TMEM223: variants seen among roughly 807,000 people sequenced by gnomAD.
TMEM223 encodes transmembrane protein 223.
In TMEM223, 14 loss-of-function variants were observed where a neutral mutation model predicts 14.1. The observed-to-expected ratio is 0.99, with a 90% confidence interval of 0.66 to 1.55. The LOEUF (loss-of-function observed/expected upper bound fraction) is 1.55. TMEM223 is among the 40% of genes most tolerant of loss of function. The probability of loss-of-function intolerance (pLI) is 0.00; values close to 1 mark genes in which losing one functional copy is unlikely to be tolerated. For synonymous variants in TMEM223, 145 were observed against 120.5 expected, an observed-to-expected ratio of 1.20 and a Z score of -1.33; for missense variants, 346 against 269.9, an observed-to-expected ratio of 1.28 and a Z score of -1.97.
intron 1 of TMEM223, chr11:62,776,392 T>G: frequency 6.2e-7 from 1 of 1,613,504 alleles, no homozygotes; most frequent in Non-Finnish European, 8.5e-7. Flanking sequence ...AGAATAGCTC[T>G]CAGTTCATGA....
At chr11:62,775,993 C>T in intron 1 of TMEM223, 1 of 1,535,120 alleles carries the variant, frequency 6.5e-7, no homozygotes, top group South Asian at 1.3e-5. Flanking sequence ...TACTAACCTC[C>T]ACCCTCGCTG....
downstream of TMEM223, chr11:62,787,474 G>A: frequency 6.3e-7 from 1 of 1,577,808 alleles, no homozygotes; most frequent in Non-Finnish European, 8.6e-7. Flanking sequence ...TGCGCTCTTT[G>A]CTGCCGCCTT....
chr11:62,786,169 A>C, downstream of TMEM223: 2 of 1,486,790 alleles, frequency 1.3e-6, no homozygotes, highest in Non-Finnish European at 1.8e-6. Context: ...GTCTAGGATC[A>C]GAGATAAAGG....
At chr11:62,774,885 C>A (rs1240559815) in intron 1 of TMEM223, among the ~76,000 whole-genome samples, 1 of 147,170 alleles carries the variant, frequency 6.8e-6, no homozygotes, top group Non-Finnish European at 1.5e-5. Flanking sequence ...GAACAAAACT[C>A]CGTCTCAAAA....
intron 1 of TMEM223, among the ~76,000 whole-genome samples, chr11:62,776,920 C>G (rs182666317): frequency 1.3e-5 from 2 of 151,456 alleles, no homozygotes; most frequent in African/African-American, 4.9e-5. Flanking sequence ...AGGTGGAGGC[C>G]GGCGGATCAC....
chr11:62,790,418 TTCTAA>T lies in TMEM223; in HGVS notation c.*200_*204del. ...TTGTGTGACCCTGGTTGTTACTCCA[TTCTAA>T]GATTGGCGTTTTTTTTTGTTTTTTT... On this transcript the variant is annotated 3_prime_UTR_variant, in exon 2 of 2. Coordinates refer to ENST00000307366, the MANE Select transcript of TMEM223 (RefSeq NM_001080501.3). The T allele has an allele frequency of 1.7e-6, 1 of 594,194 alleles. No individual in the cohort carries two copies. Among genetic ancestry groups the T allele is most frequent in the East Asian group, 2.9e-5 (1 of 34,522 alleles). 36.8% of individuals were successfully genotyped at this position (594,194 alleles called of 1,614,324 possible). A position where few individuals can be genotyped will look rare whatever the true frequency, so the allele number is the denominator to read the frequency against.
chr11:62,787,271 A>T, downstream of TMEM223: 2 of 1,561,060 alleles, frequency 1.3e-6, no homozygotes, highest in Non-Finnish European at 1.7e-6. Context: ...GCGCTCTCGG[A>T]CTACTCGCTG....
chr11:62,789,639 G>T (rs767497838), downstream of TMEM223: 30 of 1,550,016 alleles, frequency 1.9e-5, no homozygotes, highest in South Asian at 3.2e-4. Flanking sequence ...ACACCCCCTG[G>T]AACTGCTCTG....
rs772762782 is a variant in TMEM223 at position 62,790,895 on chromosome 11, C to T, written c.337G>A (p.Gly113Ser). Residue 113 changes from glycine (G) to serine (S), a missense_variant, in exon 2 of 2, where the codon GGT (glycine) becomes AGT (serine). By Grantham distance (56) the Gly-to-Ser change is moderately conservative. Coordinates refer to ENST00000307366, the MANE Select transcript of TMEM223 (RefSeq NM_001080501.3). Reference sequence around the variant, plus strand: ...ACAGACCGGAGAGAGAAGAGAAGACCAGCACCGAGTACGAGGGCTCCTGCA... The same window carrying T: ...ACAGACCGGAGAGAGAAGAGAAGACTAGCACCGAGTACGAGGGCTCCTGCA... Reference protein sequence around the residue: ...GAIGALVLGAGLLFSLRSVRS... With the variant: ...GAIGALVLGASLLFSLRSVRS... 5.7e-6 allele frequency: 9 copies of T among 1,591,388 alleles called. No individual in the cohort carries two copies. In the South Asian group the frequency reaches 9.0e-5, roughly 16 times the overall value.
chr11:62,778,220 G>A, intron 1 of TMEM223: 1 of 1,613,696 alleles, frequency 6.2e-7, no homozygotes, highest in East Asian at 2.2e-5. Context: ...GCAGAACTTG[G>A]AGGGGTAGGC....
chr11:62,777,064 G>A (rs1035490346), intron 1 of TMEM223, among the ~76,000 whole-genome samples: 3 of 151,000 alleles, frequency 2.0e-5, no homozygotes, highest in South Asian at 2.1e-4. Context: ...GGAGAATCGC[G>A]TGAACCTGGG....
At chr11:62,772,659 A>G (rs2084157119) in intron 2 of TMEM223, among the ~76,000 whole-genome samples, 1 of 151,354 alleles carries the variant, frequency 6.6e-6, no homozygotes, top group Non-Finnish European at 1.5e-5. Context: ...GCGAAACTCC[A>G]TCCCTACTAA....
At chr11:62,783,573 C>T (rs1391225446), downstream of TMEM223, among the ~76,000 whole-genome samples, 10 of 143,060 alleles carry the variant, frequency 7.0e-5, no homozygotes, top group East Asian at 2.1e-4. Flanking sequence ...TTGCTCTTGT[C>T]GCCCAGGCTA....
downstream of TMEM223, chr11:62,786,571 G>T: frequency 2.5e-6 from 4 of 1,569,480 alleles, no homozygotes; most frequent in South Asian, 1.2e-5. Flanking sequence ...GCCCAACAGG[G>T]GTGGCCCAGG....
downstream of TMEM223, chr11:62,789,432 G>A: frequency 6.2e-7 from 1 of 1,613,716 alleles, no homozygotes. Flanking sequence ...ATTAGGTAAT[G>A]GGAGAGGGAG....
exon 3 of TMEM223, chr11:62,771,831 C>T (rs2084150130): frequency 3.4e-6 from 1 of 293,742 alleles, no homozygotes. Flanking sequence ...AATAGGGAAA[C>T]TCCCTCCGTG....
In TMEM223 at chr11:62,791,731, G is replaced by C. The variant is rs560599506; in HGVS notation, c.264C>G (p.Asp88Glu). 1.3e-6 allele frequency: 2 copies of C among 1,558,462 alleles called. No homozygotes were observed. The highest frequency in any genetic ancestry group is 1.2e-5 in the South Asian group (1 of 84,616). ...DAEVPNRGPF[D>E]LRSALWRYGL... ...CGTAGCGCCAGAGCGCGGAGCGCAG[G>C]TCGAAGGGGCCACGATTTGGGACCT... The change falls in exon 1 of 2, where the codon GAC becomes GAG. Residue 88 changes from aspartate to glutamate, a missense_variant. Transcript: ENST00000307366.
chr11:62,771,714 G>C lies in TMEM223; in HGVS notation c.*392C>G, dbSNP rs2084148987. The C allele has an allele frequency of 2.0e-5, 4 of 202,250 alleles. No homozygotes were observed. The South Asian group carries it at 2.7e-4, about 13-fold the overall frequency. The allele number at this position is 202,250 out of a possible 1,614,324, so 12.5% of individuals were successfully genotyped here. A position where few individuals can be genotyped will look rare whatever the true frequency, so the allele number is the denominator to read the frequency against. ...GCCGAGGCCCGGCCCGCGGAGGTCA[G>C]TTCCCACGCCTCCTCTCCAGCGTGA... On this transcript the variant is annotated 3_prime_UTR_variant, in exon 3 of 3. Transcript: ENST00000528367.
intron 2 of TMEM223, among the ~76,000 whole-genome samples, chr11:62,774,419 G>A (rs2084170640): frequency 6.6e-6 from 1 of 152,214 alleles, no homozygotes; most frequent in African/African-American, 2.4e-5. Flanking sequence ...GCCATTGGGA[G>A]GAGTGCTGCA....
Sources: allele counts gnomAD v4.1 joint callset (sites outside exome capture counted in the v4.1 genomes callset), GRCh38; gene constraint gnomAD v4.1.1; transcripts MANE v1.5; gene names NCBI Gene and HGNC (gene_info 2026-07-23, HGNC 2026-07-21).